Variants in CD163L1 observed in about 807,000 individuals in gnomAD.
CD163L1 encodes CD163 molecule like 1.
Under a neutral mutation model 165.4 loss-of-function variants are expected in CD163L1, and 124 were observed. The ratio of observed to expected loss-of-function variants is 0.75; its 90% CI spans 0.65 to 0.87. The LOEUF (loss-of-function observed/expected upper bound fraction) is 0.87, where lower values mean the gene tolerates loss of function less well. Among genes scored for constraint, CD163L1 ranks in the 40% least tolerant of loss-of-function variants. The pLI is 0.00. For missense variants in CD163L1, 1,525 were observed against 1,799.9 expected (o/e 0.85, Z 2.76); for synonymous variants, 585 against 662.2 (o/e 0.88, Z 1.79).
chr12:7,388,509 AAG>A (rs768855291), intron 8 of CD163L1, among the ~76,000 whole-genome samples: 3,946 of 152,226 alleles, frequency 0.026, 89 homozygotes, highest in Non-Finnish European at 0.041. Context: ...TTGGGAGGCC[AAG>A]GAGGGCAGAT....
chr12:7,443,004 A>G lies in CD163L1; in HGVS notation c.31+1093T>C, dbSNP rs75877006. 5.8e-3 allele frequency among the ~76,000 whole-genome samples: 877 copies of G among 152,300 alleles called. 11 individuals carry two copies. Among genetic ancestry groups the G allele is most frequent in the African/African-American group, 0.02 (849 of 41,564 alleles). On this transcript the variant is annotated intron_variant, in intron 1 of 19. Transcript: ENST00000313599. ...CCAATTCAAGACCTTCATCTTTCCC[A>G]TTCCTTTTCTAATTAGATACATGGC...
chr12:7,379,330 A>C, intron 8 of CD163L1, 32 bp from the exon 9 acceptor site: 1 of 1,604,174 alleles, frequency 6.2e-7, no homozygotes, highest in Admixed American at 1.7e-5. Flanking sequence ...ATTTTAGAGA[A>C]GCACTCTATG....
intron 8 of CD163L1, among the ~76,000 whole-genome samples, chr12:7,385,906 T>A (rs1947505748): frequency 6.6e-6 from 1 of 151,334 alleles, no homozygotes; most frequent in South Asian, 2.1e-4. Flanking sequence ...GTAGAAAGAT[T>A]TCAAATAAAC....
intron 4 of CD163L1, among the ~76,000 whole-genome samples, chr12:7,421,575 A>G (rs1044449349): frequency 1.6e-5 from 2 of 127,270 alleles, no homozygotes; most frequent in African/African-American, 3.1e-5. Flanking sequence ...ACATATATAC[A>G]TGTACATATA....
chr12:7,393,524 G>T (rs964402806), intron 8 of CD163L1, among the ~76,000 whole-genome samples: 11 of 152,298 alleles, frequency 7.2e-5, no homozygotes, highest in African/African-American at 2.4e-4. Flanking sequence ...AGACAAGAAT[G>T]CCCTCTCTTA....
chr12:7,376,549 T>G (rs1402504484), intron 9 of CD163L1, among the ~76,000 whole-genome samples: 1 of 152,230 alleles, frequency 6.6e-6, no homozygotes, highest in Non-Finnish European at 1.5e-5. Flanking sequence ...CAATTTCTAC[T>G]TAGCATTTCC....
intron 4 of CD163L1, among the ~76,000 whole-genome samples, chr12:7,422,632 T>C (rs1206268159): frequency 6.6e-6 from 1 of 150,676 alleles, no homozygotes; most frequent in Admixed American, 6.6e-5. Context: ...GGTTATTTCA[T>C]ATATATATCT....
intron 8 of CD163L1, among the ~76,000 whole-genome samples, chr12:7,381,111 T>C (rs1206606936): frequency 6.6e-6 from 1 of 152,138 alleles, no homozygotes; most frequent in African/African-American, 2.4e-5. Flanking sequence ...ATTCACATTA[T>C]TAAATGTCTA....
intron 8 of CD163L1, among the ~76,000 whole-genome samples, chr12:7,390,686 A>G (rs1004049070): frequency 2.0e-5 from 3 of 152,244 alleles, no homozygotes; most frequent in African/African-American, 7.2e-5. Flanking sequence ...TTTCAAGTCT[A>G]TATCAGAGCT....
intron 8 of CD163L1, among the ~76,000 whole-genome samples, chr12:7,393,338 T>A (rs776186504): frequency 3.3e-5 from 5 of 152,250 alleles, no homozygotes; most frequent in Non-Finnish European, 5.9e-5. Context: ...ATTATCTCAA[T>A]AGATGCAGAA....
chr12:7,322,503 G>C, the CD163L1 span: 5 of 1,613,864 alleles, frequency 3.1e-6, no homozygotes, highest in Middle Eastern at 3.3e-4. Context: ...GGTGCAAACT[G>C]GGCTGGAGCT....
intron 2 of CD163L1, among the ~76,000 whole-genome samples, chr12:7,433,907 C>T (rs897272057): frequency 3.3e-5 from 5 of 152,150 alleles, no homozygotes; most frequent in African/African-American, 1.2e-4. Context: ...TTTTGCTTTG[C>T]ATTGTAATGT....
chr12:7,419,093 T>C (rs1390862328), intron 4 of CD163L1, among the ~76,000 whole-genome samples: 2 of 151,288 alleles, frequency 1.3e-5, no homozygotes, highest in East Asian at 3.9e-4. Flanking sequence ...GCCTGATAAA[T>C]CTAGATGCAA....
At chr12:7,331,897 C>A in the CD163L1 span, among the ~76,000 whole-genome samples, 1 of 152,204 alleles carries the variant, frequency 6.6e-6, no homozygotes, top group Non-Finnish European at 1.5e-5. Flanking sequence ...CAAAGGAACG[C>A]AGCTCCTCAC....
the CD163L1 span, among the ~76,000 whole-genome samples, chr12:7,325,012 T>C: frequency 6.6e-6 from 1 of 152,194 alleles, no homozygotes; most frequent in Non-Finnish European, 1.5e-5. Context: ...TCCAGGTGTA[T>C]ACACCTTAGC....
chr12:7,332,862 G>C, the CD163L1 span, among the ~76,000 whole-genome samples: 2 of 152,178 alleles, frequency 1.3e-5, no homozygotes, highest in Non-Finnish European at 2.9e-5. Context: ...ATGCTAGGAA[G>C]AAACTGCATC....
chr12:7,436,753 T>C (rs759133349), intron 2 of CD163L1, among the ~76,000 whole-genome samples: 12 of 152,056 alleles, frequency 7.9e-5, no homozygotes, highest in Non-Finnish European at 1.3e-4. Context: ...AATTTGGCAC[T>C]AATGAAAAAT....
Position 7,432,726 on chromosome 12 carries a change from A to G in CD163L1, c.456T>C (p.Asn152=). 1 of 1,603,432 alleles carries G rather than the reference A, an allele frequency of 6.2e-7. No individual in the cohort carries two copies. Among genetic ancestry groups the G allele is most frequent in the East Asian group, 2.2e-5 (1 of 44,676 alleles). The change falls in exon 4 of 20, where the codon AAT becomes AAC. Residue 152 remains asparagine (N), a synonymous_variant. Transcript: ENST00000313599. This position sits in a 1 kb window ranked among gnomAD's most constrained non-coding sequence, Gnocchi z 4.2. ...DVGVNCYGEA[N]LGLRLVDGNN... ...TTCCATCCACTAGCCTCAAACCCAG[A>G]TTGGCTTCACCTACGAGAAAGACAA...
At chr12:7,426,561 C>T (rs1306015477) in intron 4 of CD163L1, among the ~76,000 whole-genome samples, 1 of 152,044 alleles carries the variant, frequency 6.6e-6, no homozygotes, top group Non-Finnish European at 1.5e-5. Context: ...GTACACTGCT[C>T]AGGTGATGGG....
Sources: gnomAD v4.1 joint callset for allele counts (sites outside exome capture counted in the v4.1 genomes callset) on GRCh38, gnomAD v4.1.1 for gene constraint, Gnocchi (gnomAD v3.1) non-coding constraint, MANE v1.5 for transcripts, NCBI Gene and HGNC (gene_info 2026-07-23, HGNC 2026-07-21) for gene names.